Variants in PLPP4 observed in about 807,000 individuals in gnomAD.
PLPP4 encodes the protein diacylglycerol pyrophosphate like 2.
A neutral mutation model predicts 32.2 loss-of-function variants in PLPP4; 20 were observed. The ratio of observed to expected loss-of-function variants is 0.62; its 90% confidence interval spans 0.44 to 0.90. The LOEUF (loss-of-function observed/expected upper bound fraction) is 0.90. PLPP4 is among the 40% of genes least tolerant of loss of function. PLPP4 has a pLI of 0.00. For missense variants in PLPP4, 257 were observed against 353.1 expected (o/e 0.73, Z 2.18); for synonymous variants, 127 against 133.0 (o/e 0.95, Z 0.31).
chr10:120,472,602 A>G (rs1232655363), intron 1 of PLPP4, among the ~76,000 whole-genome samples: 1 of 152,048 alleles, frequency 6.6e-6, no homozygotes, highest in Non-Finnish European at 1.5e-5. Flanking sequence ...CATTGAGATT[A>G]TTGGAGATAT....
intron 1 of PLPP4, among the ~76,000 whole-genome samples, chr10:120,473,625 C>T (rs1463913505): frequency 6.6e-6 from 1 of 152,280 alleles, no homozygotes; most frequent in Admixed American, 6.5e-5. Flanking sequence ...ACCCAAATCT[C>T]ATGTTGAATT....
chr10:120,542,187 G>C (rs578223341), intron 5 of PLPP4, among the ~76,000 whole-genome samples: 14 of 152,314 alleles, frequency 9.2e-5, no homozygotes, highest in African/African-American at 3.1e-4. Context: ...ATTGGTTAGT[G>C]GTTGCACCCA....
At chr10:120,540,632 T>C (rs573334225) in intron 5 of PLPP4, among the ~76,000 whole-genome samples, 1 of 152,332 alleles carries the variant, frequency 6.6e-6, no homozygotes, top group South Asian at 2.1e-4. Context: ...CTGGGCACCC[T>C]TGGGCCCTGC....
chr10:120,488,764 C>T (rs114926408), intron 1 of PLPP4, among the ~76,000 whole-genome samples: 1,806 of 152,326 alleles, frequency 0.012, 30 homozygotes, highest in African/African-American at 0.041. Context: ...TTGTCCCACC[C>T]TCACCTCAGT....
intron 1 of PLPP4, among the ~76,000 whole-genome samples, chr10:120,490,290 A>G (rs1223996145): frequency 6.6e-6 from 1 of 152,204 alleles, no homozygotes; most frequent in Non-Finnish European, 1.5e-5. Flanking sequence ...AGATGCCTCC[A>G]TTTGCATTTG....
intron 5 of PLPP4, among the ~76,000 whole-genome samples, chr10:120,564,264 G>A (rs1184602528): frequency 6.6e-6 from 1 of 151,832 alleles, no homozygotes; most frequent in Non-Finnish European, 1.5e-5. Context: ...AATCCCAAAA[G>A]TAAGATATTT....
At chr10:120,500,721 G>A (rs933794930) in intron 1 of PLPP4, among the ~76,000 whole-genome samples, 57 of 152,230 alleles carry the variant, frequency 3.7e-4, no homozygotes, top group African/African-American at 1.3e-3. Flanking sequence ...TATTTTCAGA[G>A]CTTGCAACAG....
chr10:120,554,228 C>T (rs921762551), intron 5 of PLPP4, among the ~76,000 whole-genome samples: 1 of 152,172 alleles, frequency 6.6e-6, no homozygotes, highest in Non-Finnish European at 1.5e-5. Context: ...CTCTCAAGTT[C>T]AAAGTTCCGC....
chr10:120,574,218 T>TCTCTCTCTCC (rs1849105417), intron 5 of PLPP4, among the ~76,000 whole-genome samples: 2 of 93,906 alleles, frequency 2.1e-5, no homozygotes, highest in Admixed American at 1.1e-4. Flanking sequence ...TCTCTCTCTC[T>TCTCTCTCTCC]CTCTCAGCTC....
chr10:120,580,600 C>G (rs1347082285), intron 6 of PLPP4, among the ~76,000 whole-genome samples: 1 of 151,336 alleles, frequency 6.6e-6, no homozygotes, highest in East Asian at 1.9e-4. Flanking sequence ...CCCTTCCCTC[C>G]CCTCTGTCTC....
At chr10:120,474,066 G>T (rs1843788718) in intron 1 of PLPP4, among the ~76,000 whole-genome samples, 1 of 151,542 alleles carries the variant, frequency 6.6e-6, no homozygotes, top group South Asian at 2.1e-4. Context: ...TTTCTCTTCT[G>T]CTTTGCTGAT....
At chr10:120,492,875 G>A (rs1478868882) in intron 1 of PLPP4, among the ~76,000 whole-genome samples, 1 of 152,224 alleles carries the variant, frequency 6.6e-6, no homozygotes, top group South Asian at 2.1e-4. Context: ...TTGTTAACAT[G>A]TAATCATATT....
At chr10:120,489,320 C>T (rs879829542) in intron 1 of PLPP4, among the ~76,000 whole-genome samples, 5 of 152,238 alleles carry the variant, frequency 3.3e-5, no homozygotes, top group Middle Eastern at 3.4e-3. Flanking sequence ...AACCACTTGG[C>T]GAATGAGTAC....
intron 2 of PLPP4, among the ~76,000 whole-genome samples, chr10:120,509,996 G>C (rs1845661965): frequency 6.6e-6 from 1 of 152,208 alleles, no homozygotes; most frequent in African/African-American, 2.4e-5. Context: ...TTTACCACTT[G>C]ATTAGTTGTG....
chr10:120,482,172 G>A (rs1456167805), intron 1 of PLPP4, among the ~76,000 whole-genome samples: 3 of 152,230 alleles, frequency 2.0e-5, no homozygotes, highest in Admixed American at 2.0e-4. Flanking sequence ...ACCCAAAAAT[G>A]TGGAAGCGAC....
chr10:120,543,902 C>T lies in PLPP4; in HGVS notation c.445+22807C>T, dbSNP rs116313469. Among the ~76,000 whole-genome samples the T allele has an allele frequency of 3.7e-3, 567 of 152,320 alleles. 5 individuals are homozygous for T. The highest frequency in any genetic ancestry group is 0.013 in the African/African-American group (544 of 41,578). On this transcript the variant is annotated intron_variant, in intron 5 of 6. Transcript: ENST00000398250. ...TGACTGTTTTCTTTCACTTAGCATA[C>T]GTATCCTCAGGATGCATCCATGTTG...
chr10:120,590,361 T>C lies in PLPP4; in HGVS notation c.*859T>C, dbSNP rs970177798. Reference sequence around the variant, plus strand: ...ATGCCTGGGGCTCATCTCAAGGGAGTGGCTGAGTGGCCATTGGGGATAAGA... The same window carrying C: ...ATGCCTGGGGCTCATCTCAAGGGAGCGGCTGAGTGGCCATTGGGGATAAGA... On this transcript the variant is annotated 3_prime_UTR_variant, in exon 7 of 7. Coordinates refer to ENST00000398250, the MANE Select transcript of PLPP4 (RefSeq NM_001030059.3). 6.6e-6 allele frequency among the ~76,000 whole-genome samples: 1 copy of C among 152,064 alleles called. No individual in the cohort carries two copies. Among genetic ancestry groups the C allele is most frequent in the Non-Finnish European group, 1.5e-5 (1 of 68,008 alleles).
At chr10:120,526,135 A>G (rs1021299833) in intron 5 of PLPP4, among the ~76,000 whole-genome samples, 3 of 152,082 alleles carry the variant, frequency 2.0e-5, no homozygotes, top group Non-Finnish European at 2.9e-5. Flanking sequence ...TAAAGCTTCT[A>G]TAGAATTTTT....
At chr10:120,463,874 G>A (rs1366717920) in intron 1 of PLPP4, among the ~76,000 whole-genome samples, 1 of 152,144 alleles carries the variant, frequency 6.6e-6, no homozygotes, top group Admixed American at 6.5e-5. Flanking sequence ...GAGTGCAGTG[G>A]CATGATCACC....
Sources: allele counts gnomAD v4.1 joint callset (sites outside exome capture counted in the v4.1 genomes callset), GRCh38; gene constraint gnomAD v4.1.1; transcripts MANE v1.5; gene names NCBI Gene and HGNC (gene_info 2026-07-23, HGNC 2026-07-21).